Variants in RELN observed in about 807,000 individuals in gnomAD.
RELN encodes reelin.
RELN carries 108 observed loss-of-function variants against 427.6 expected under a neutral mutation model. The observed-to-expected ratio is 0.25, with a 90% CI of 0.22 to 0.30. RELN has a LOEUF of 0.30. Among genes scored for constraint, RELN ranks in the 10% least tolerant of loss-of-function variants. RELN has a pLI of 1.00. For synonymous variants in RELN, 1,524 were observed against 1,513.4 expected (o/e 1.01, Z -0.16); for missense variants, 3,715 against 4,302.8 (o/e 0.86, Z 3.82).
chr7:103,572,855 T>C (rs988786658), intron 30 of RELN, among the ~76,000 whole-genome samples: 10 of 152,232 alleles, frequency 6.6e-5, no homozygotes, highest in African/African-American at 2.4e-4. Context: ...ATGAAGATTT[T>C]TTAAAATTAT....
At chr7:103,551,787 C>T (rs1378686864) in intron 40 of RELN, among the ~76,000 whole-genome samples, 5 of 152,122 alleles carry the variant, frequency 3.3e-5, no homozygotes, top group African/African-American at 1.2e-4. Flanking sequence ...GTCATCATTT[C>T]CCTGGCACAG....
chr7:103,959,361 T>C (rs1417704661), intron 1 of RELN, among the ~76,000 whole-genome samples: 1 of 152,220 alleles, frequency 6.6e-6, no homozygotes, highest in Non-Finnish European at 1.5e-5. Flanking sequence ...ATGCAGGTGA[T>C]GTCCATATTT....
chr7:103,506,923 C>A (rs913723353), intron 51 of RELN, among the ~76,000 whole-genome samples: 2 of 152,092 alleles, frequency 1.3e-5, no homozygotes, highest in Non-Finnish European at 2.9e-5. Context: ...CAACAAAGGT[C>A]AAAAGAGACA....
Position 103,974,663 on chromosome 7 carries a change from T to C in RELN, c.226+14468A>G, listed in dbSNP as rs537120955. ...TGTTCCCTTTGTATGTTCATCACTGTCCAAGTAAATTTCTCTTAGAAGACA... is the reference window on the plus strand; with the variant it reads ...TGTTCCCTTTGTATGTTCATCACTGCCCAAGTAAATTTCTCTTAGAAGACA... On this transcript the variant is annotated intron_variant, in intron 1 of 64. Coordinates refer to ENST00000428762, the MANE Select transcript of RELN (RefSeq NM_005045.4). Among the ~76,000 whole-genome samples, 7 of 152,348 alleles carry C rather than the reference T, an allele frequency of 4.6e-5. No individual in the cohort carries two copies. The East Asian group carries it at 1.3e-3, about 29-fold the overall frequency.
intron 8 of RELN, among the ~76,000 whole-genome samples, chr7:103,707,530 C>G (rs1220637000): frequency 6.7e-6 from 1 of 148,938 alleles, no homozygotes; most frequent in Non-Finnish European, 1.5e-5. Context: ...GATGGAGTCT[C>G]GCTCTGTCGC....
chr7:103,984,153 TA>T (rs71519166), intron 1 of RELN, among the ~76,000 whole-genome samples: 3,366 of 144,704 alleles, frequency 0.023, 52 homozygotes, highest in African/African-American at 0.051. Flanking sequence ...TCCCAGGAGG[TA>T]AAAAAAAAAA....
chr7:103,930,340 T>C (rs1012778747), intron 1 of RELN, among the ~76,000 whole-genome samples: 12 of 152,092 alleles, frequency 7.9e-5, no homozygotes, highest in African/African-American at 2.9e-4. Context: ...TTTAATTACC[T>C]TTTAATACAT....
chr7:103,854,926 G>A lies in RELN; in HGVS notation c.338-21254C>T, dbSNP rs1014614757. On this transcript the variant is annotated intron_variant, in intron 2 of 64. Coordinates refer to ENST00000428762, the MANE Select transcript of RELN (RefSeq NM_005045.4). ...AATAATGCAAAGAACACTATTGTAA[G>A]TTTCATAAAAGAAGTATGAATTATT... Among the ~76,000 whole-genome samples, 11 of 152,304 alleles carry A rather than the reference G, an allele frequency of 7.2e-5. 1 individual carries two copies. Among genetic ancestry groups the A allele is most frequent in the African/African-American group, 2.4e-4 (10 of 41,580 alleles).
intron 27 of RELN, among the ~76,000 whole-genome samples, chr7:103,593,102 C>T (rs1831457822): frequency 6.6e-6 from 1 of 152,156 alleles, no homozygotes; most frequent in African/African-American, 2.4e-5. Flanking sequence ...CAGAAGTCAC[C>T]TATGGGATTT....
intron 11 of RELN, among the ~76,000 whole-genome samples, chr7:103,671,074 C>G (rs1584394160): frequency 6.6e-6 from 1 of 152,046 alleles, no homozygotes; most frequent in African/African-American, 2.4e-5. Context: ...GATGGATGCT[C>G]TGCTCTTTAA....
chr7:103,681,912 T>A (rs1271974694), intron 11 of RELN, among the ~76,000 whole-genome samples: 2 of 152,206 alleles, frequency 1.3e-5, no homozygotes, highest in Non-Finnish European at 2.9e-5. Context: ...GCATTTGCAA[T>A]CACAAATTTT....
intron 2 of RELN, among the ~76,000 whole-genome samples, chr7:103,864,138 TTCTGTC>T (rs1175473715): frequency 2.0e-5 from 3 of 152,282 alleles, no homozygotes; most frequent in Admixed American, 6.5e-5. Context: ...CTTTTTACTC[TTCTGTC>T]TCTGTCAACC....
intron 4 of RELN, among the ~76,000 whole-genome samples, chr7:103,773,120 C>CTTTCTTTCT (rs1791617736): frequency 1.3e-5 from 1 of 78,932 alleles, no homozygotes; most frequent in Non-Finnish European, 3.0e-5. Flanking sequence ...TTCTTTCTTT[C>CTTTCTTTCT]TTTCTTTCTT....
At position 103,894,594 on chromosome 7, in the gene RELN, C is replaced by CA. The variant is rs995039419; in HGVS notation, c.337+22480dup. Among the ~76,000 whole-genome samples the CA allele has an allele frequency of 2.1e-4, 32 of 150,370 alleles. No individual in the cohort carries two copies. The East Asian group carries it at 2.1e-3, about 10-fold the overall frequency. On this transcript the variant is annotated intron_variant, in intron 2 of 64. Transcript: ENST00000428762. ...GACATAATGGTAATTCCTGCATTAACAAAAAAAAAGAAAATGGGAAGTCAA... is the reference window on the plus strand; with the variant it reads ...GACATAATGGTAATTCCTGCATTAACAAAAAAAAAAGAAAATGGGAAGTCAA...
At chr7:103,477,021 T>TA (rs1828060273) in intron 64 of RELN, among the ~76,000 whole-genome samples, 1 of 152,216 alleles carries the variant, frequency 6.6e-6, no homozygotes, top group Admixed American at 6.5e-5. Flanking sequence ...TGGTTGTGGA[T>TA]AGAACTAGGT....
At chr7:103,579,510 C>A (rs1831079215) in intron 28 of RELN, among the ~76,000 whole-genome samples, 1 of 149,994 alleles carries the variant, frequency 6.7e-6, no homozygotes, top group African/African-American at 2.5e-5. Flanking sequence ...GAGGTGGGAG[C>A]ATCACTTGAA....
At chr7:103,475,080 C>G (rs1198178995) in intron 64 of RELN, among the ~76,000 whole-genome samples, 3 of 152,178 alleles carry the variant, frequency 2.0e-5, no homozygotes, top group African/African-American at 7.2e-5. Context: ...TATTTTTCTA[C>G]ATTCCTATAC....
chr7:103,584,634 T>C (rs887942036), intron 28 of RELN, among the ~76,000 whole-genome samples: 1 of 152,100 alleles, frequency 6.6e-6, no homozygotes, highest in Admixed American at 6.5e-5. Flanking sequence ...AACACCCCAA[T>C]GACATCACTA....
At chr7:103,795,928 C>A (rs1176159205) in intron 3 of RELN, among the ~76,000 whole-genome samples, 1 of 152,148 alleles carries the variant, frequency 6.6e-6, no homozygotes, top group Non-Finnish European at 1.5e-5. Flanking sequence ...CTAAAGAAAT[C>A]ACATTTTCAT....
Sources: allele counts gnomAD v4.1 joint callset (sites outside exome capture counted in the v4.1 genomes callset), GRCh38; gene constraint gnomAD v4.1.1; transcripts MANE v1.5; gene names NCBI Gene and HGNC (gene_info 2026-07-23, HGNC 2026-07-21).